Variants in FMN2 observed in about 807,000 individuals in gnomAD.
FMN2 encodes the protein formin-2.
In FMN2, 51 loss-of-function variants were observed where a neutral mutation model predicts 142.3. The observed-to-expected ratio is 0.36, with a 90% CI of 0.29 to 0.45. The LOEUF is 0.45. FMN2 is among the 20% of genes least tolerant of loss of function. FMN2 has a pLI of 1.00. For synonymous variants in FMN2, 882 were observed against 869.8 expected, an observed-to-expected ratio of 1.01 and a Z score of -0.25; for missense variants, 1,936 against 2,122.8, an observed-to-expected ratio of 0.91 and a Z score of 1.73.
chr1:240,335,634 G>A (rs1671528853), intron 13 of FMN2, among the ~76,000 whole-genome samples: 1 of 152,118 alleles, frequency 6.6e-6, no homozygotes, highest in Non-Finnish European at 1.5e-5. Context: ...ATTTGATAAA[G>A]GAGCGGAATG....
At chr1:240,415,530 TAAA>T (rs372874071) in intron 15 of FMN2, among the ~76,000 whole-genome samples, 1 of 140,682 alleles carries the variant, frequency 7.1e-6, no homozygotes, top group African/African-American at 2.5e-5. Flanking sequence ...TTAAGTATAA[TAAA>T]AAAAAAAAAA....
chr1:240,220,665 GTT>G (rs34767653), intron 6 of FMN2, among the ~76,000 whole-genome samples: 10 of 111,040 alleles, frequency 9.0e-5, no homozygotes, highest in Admixed American at 4.9e-4. Flanking sequence ...ATGAGTCTGT[GTT>G]TGTGTGTGTG....
At chr1:240,303,935 C>T (rs1346770021) in intron 8 of FMN2, among the ~76,000 whole-genome samples, 3 of 151,958 alleles carry the variant, frequency 2.0e-5, no homozygotes, top group East Asian at 1.9e-4. Context: ...TCCTCAAATC[C>T]GTCTTTAAAT....
chr1:240,431,435 C>T (rs112239205), intron 15 of FMN2, among the ~76,000 whole-genome samples: 3,922 of 146,406 alleles, frequency 0.027, 195 homozygotes, highest in African/African-American at 0.096. Context: ...CATATATATA[C>T]ACACATATAT....
intron 8 of FMN2, among the ~76,000 whole-genome samples, chr1:240,309,274 C>G (rs1350874243): frequency 6.6e-6 from 1 of 152,148 alleles, no homozygotes; most frequent in East Asian, 1.9e-4. Context: ...TTGCAGCCCA[C>G]TGGTTTGCCT....
intron 6 of FMN2, among the ~76,000 whole-genome samples, chr1:240,246,623 A>G (rs1430688633): frequency 6.6e-6 from 1 of 152,204 alleles, no homozygotes; most frequent in Non-Finnish European, 1.5e-5. Context: ...AAAGAACCTC[A>G]GTCCCACCCA....
chr1:240,255,557 G>T (rs1668427408), intron 6 of FMN2, among the ~76,000 whole-genome samples: 2 of 152,164 alleles, frequency 1.3e-5, no homozygotes, highest in South Asian at 4.1e-4. Context: ...CAAATACAGA[G>T]CAGCTGTAAT....
Position 240,399,902 on chromosome 1 carries a change from T to A in FMN2, c.4910+7340T>A, listed in dbSNP as rs79164752. ...TGGAAGAAGTGGACCACTGTCCTAA[T>A]CCTAGCTTTAACCATTGTGCAGGTG... is the stretch of plus-strand genomic sequence containing the variant. On this transcript the variant is annotated intron_variant, in intron 15 of 17. Transcript: ENST00000319653. 6.8e-3 allele frequency among the ~76,000 whole-genome samples: 1,030 copies of A among 152,298 alleles called. 31 individuals carry two copies. In the East Asian group the frequency reaches 0.1, roughly 15 times the overall value.
At chr1:240,283,023 T>C (rs756730164) in intron 7 of FMN2, among the ~76,000 whole-genome samples, 20 of 152,164 alleles carry the variant, frequency 1.3e-4, no homozygotes, top group Non-Finnish European at 2.5e-4. Flanking sequence ...GACTCTTGAC[T>C]CCTTTCACAT....
At chr1:240,105,097 CTTCTTTTTTTTTTTTTTT>C (rs1255779926) in intron 1 of FMN2, among the ~76,000 whole-genome samples, 1 of 129,582 alleles carries the variant, frequency 7.7e-6, no homozygotes, top group Non-Finnish European at 1.6e-5. Context: ...CTAGTTTATG[CTTCTTTTTTTTTTTTTTT>C]TTTTTTTTTT....
At chr1:240,282,677 T>C (rs1669439017) in intron 7 of FMN2, among the ~76,000 whole-genome samples, 1 of 152,228 alleles carries the variant, frequency 6.6e-6, no homozygotes, top group South Asian at 2.1e-4. Context: ...GCCCCAGGTT[T>C]CCAGGTGCCC....
intron 14 of FMN2, among the ~76,000 whole-genome samples, chr1:240,388,737 C>CT (rs1673501057): frequency 6.6e-6 from 1 of 151,884 alleles, no homozygotes; most frequent in Non-Finnish European, 1.5e-5. Context: ...TGGCATGCGC[C>CT]TGTAATCCCA....
intron 14 of FMN2, among the ~76,000 whole-genome samples, chr1:240,364,163 G>T (rs1672585942): frequency 1.3e-5 from 2 of 152,178 alleles, no homozygotes; most frequent in South Asian, 4.2e-4. Context: ...TTCTCAGAGG[G>T]CTCATTGCTT....
chr1:240,272,120 C>G (rs551016053), intron 7 of FMN2, among the ~76,000 whole-genome samples: 4 of 152,190 alleles, frequency 2.6e-5, no homozygotes, highest in African/African-American at 7.2e-5. Flanking sequence ...TTTGGCCAAC[C>G]TCTTGACCCT....
intron 4 of FMN2, among the ~76,000 whole-genome samples, chr1:240,192,492 A>G (rs772119537): frequency 2.6e-5 from 4 of 152,208 alleles, no homozygotes; most frequent in Non-Finnish European, 5.9e-5. Flanking sequence ...GGTAATATGA[A>G]TTTGCAAAGT....
At chr1:240,152,438 T>C (rs1277313636) in intron 2 of FMN2, among the ~76,000 whole-genome samples, 2 of 152,224 alleles carry the variant, frequency 1.3e-5, no homozygotes, top group Non-Finnish European at 2.9e-5. Context: ...TCTGCTCTCA[T>C]AGAGCCAGGA....
At chr1:240,436,676 C>CAAA (rs35630459) in intron 15 of FMN2, among the ~76,000 whole-genome samples, 5 of 135,828 alleles carry the variant, frequency 3.7e-5, no homozygotes, top group Non-Finnish European at 4.6e-5. Flanking sequence ...GACTCCGTCT[C>CAAA]AAAAAAAAAA....
intron 16 of FMN2, chr1:240,459,000 A>T (rs1385178989): frequency 6.6e-6 from 1 of 152,186 alleles, no homozygotes; most frequent in Non-Finnish European, 1.5e-5. Flanking sequence ...CAAGATGCAG[A>T]AAAAAACCAA....
chr1:240,336,596 G>C (rs1446862045), intron 13 of FMN2, among the ~76,000 whole-genome samples: 2 of 110,820 alleles, frequency 1.8e-5, no homozygotes, highest in African/African-American at 6.5e-5. Flanking sequence ...GGTTGCAATT[G>C]TTTTCCCATT....
Sources: allele counts gnomAD v4.1 joint callset (sites outside exome capture counted in the v4.1 genomes callset), GRCh38; gene constraint gnomAD v4.1.1; transcripts MANE v1.5; gene names NCBI Gene and HGNC (gene_info 2026-07-23, HGNC 2026-07-21).